Variants in HSF2BP observed in about 807,000 individuals in gnomAD.
HSF2BP encodes heat shock transcription factor 2 binding protein.
Under a neutral mutation model 35.0 loss-of-function variants are expected in HSF2BP, and 35 were observed. The ratio of observed to expected loss-of-function variants is 1.00; its 90% CI spans 0.76 to 1.32. The LOEUF (loss-of-function observed/expected upper bound fraction) is 1.32, where lower values mean the gene tolerates loss of function less well. Ranked by LOEUF, HSF2BP falls within the 40% of genes most tolerant of loss-of-function variation. The pLI is 0.00. For missense variants in HSF2BP, 326 were observed against 321.7 expected, an observed-to-expected ratio of 1.01 and a Z score of -0.10; for synonymous variants, 114 against 117.4, an observed-to-expected ratio of 0.97 and a Z score of 0.18.
intron 6 of HSF2BP, among the ~76,000 whole-genome samples, chr21:43,618,988 C>A (rs1008023097): frequency 7.9e-5 from 12 of 151,588 alleles, no homozygotes; most frequent in Middle Eastern, 3.2e-3. Flanking sequence ...CTATAAAATT[C>A]TTTATTTATT....
chr21:43,630,484 C>A (rs756041744), intron 5 of HSF2BP, 30 bp from the exon 6 acceptor site: 2 of 1,597,210 alleles, frequency 1.3e-6, no homozygotes, highest in Admixed American at 3.5e-5. Context: ...AGTGTCATAT[C>A]TTTTTACAGA....
chr21:43,617,139 C>A (rs1460369080), intron 6 of HSF2BP, among the ~76,000 whole-genome samples: 1 of 151,886 alleles, frequency 6.6e-6, no homozygotes, highest in African/African-American at 2.4e-5. Context: ...AACTGTAGAC[C>A]CACGAGCAAG....
chr21:43,466,508 G>A, the HSF2BP span, among the ~76,000 whole-genome samples: 3 of 18,456 alleles, frequency 1.6e-4, 1 homozygote, highest in Non-Finnish European at 2.4e-4. Context: ...ACCACAGTGG[G>A]GTGCTGGAGG....
At chr21:43,643,923 C>T (rs2082673931) in intron 4 of HSF2BP, among the ~76,000 whole-genome samples, 1 of 150,716 alleles carries the variant, frequency 6.6e-6, no homozygotes, top group Non-Finnish European at 1.5e-5. Context: ...CCACTGCACT[C>T]CAGCCTGGGC....
At chr21:43,628,022 T>C (rs1279052255) in intron 6 of HSF2BP, among the ~76,000 whole-genome samples, 1 of 152,176 alleles carries the variant, frequency 6.6e-6, no homozygotes, top group Non-Finnish European at 1.5e-5. Flanking sequence ...ATGCTACTTA[T>C]CTTCTGATTT....
chr21:43,580,132 C>G (rs1337808792), intron 8 of HSF2BP, among the ~76,000 whole-genome samples: 6 of 152,234 alleles, frequency 3.9e-5, no homozygotes, highest in Non-Finnish European at 4.4e-5. Context: ...TCACCTTTTT[C>G]AGAATGACTC....
At chr21:43,641,386 T>C (rs1269485220) in intron 4 of HSF2BP, among the ~76,000 whole-genome samples, 2 of 152,164 alleles carry the variant, frequency 1.3e-5, no homozygotes, top group Non-Finnish European at 2.9e-5. Context: ...GACTCTTTCC[T>C]GGCCCAGCCT....
intron 7 of HSF2BP, chr21:43,610,050 T>C (rs2082184407): frequency 6.6e-6 from 1 of 152,462 alleles, no homozygotes; most frequent in African/African-American, 2.4e-5. Flanking sequence ...CCCATAAATA[T>C]GGACCTTGTA....
rs1470802365 is a variant in HSF2BP at position 43,636,476 on chromosome 21, G to A, written c.292-3055C>T. 2.6e-5 allele frequency among the ~76,000 whole-genome samples: 4 copies of A among 152,262 alleles called. No individual in the cohort carries two copies. In the East Asian group the frequency reaches 7.7e-4, roughly 29 times the overall value. Reference sequence around the variant, plus strand: ...AAAGAAAGTAAAAAGACACGCCACAGGCTAAGAGAAAGTACTTCTAATCAC... The same window carrying A: ...AAAGAAAGTAAAAAGACACGCCACAAGCTAAGAGAAAGTACTTCTAATCAC... On this transcript the variant is annotated intron_variant, in intron 4 of 8. Coordinates refer to ENST00000291560, the MANE Select transcript of HSF2BP (RefSeq NM_007031.2).
At chr21:43,634,451 A>G (rs1409298208) in intron 4 of HSF2BP, among the ~76,000 whole-genome samples, 2 of 152,260 alleles carry the variant, frequency 1.3e-5, no homozygotes, top group Non-Finnish European at 2.9e-5. Flanking sequence ...CATTTATACC[A>G]AATGTAATTA....
At chr21:43,652,711 A>G (rs1319414982) in intron 3 of HSF2BP, among the ~76,000 whole-genome samples, 1 of 152,198 alleles carries the variant, frequency 6.6e-6, no homozygotes, top group African/African-American at 2.4e-5. Flanking sequence ...CCAAAATTAG[A>G]TAAAAGATGC....
At chr21:43,592,156 G>A (rs983326741) in intron 8 of HSF2BP, 69 bp downstream of exon 8, 59 of 984,932 alleles carry the variant, frequency 6.0e-5, no homozygotes, top group South Asian at 1.6e-4. Flanking sequence ...TGGAACGTAT[G>A]CCCCGTGGAT....
chr21:43,608,237 G>C (rs566506030), intron 7 of HSF2BP, among the ~76,000 whole-genome samples: 56 of 152,054 alleles, frequency 3.7e-4, no homozygotes, highest in African/African-American at 1.2e-3. Flanking sequence ...GGGAAGTTAA[G>C]TTAAACAAAT....
At chr21:43,616,911 A>G (rs1428301413) in intron 6 of HSF2BP, among the ~76,000 whole-genome samples, 1 of 150,114 alleles carries the variant, frequency 6.7e-6, no homozygotes, top group Non-Finnish European at 1.5e-5. Context: ...AGCCTGGGTG[A>G]TAGAGCAAGA....
chr21:43,632,147 ACACT>A (rs373468418), intron 5 of HSF2BP, among the ~76,000 whole-genome samples: 17 of 55,394 alleles, frequency 3.1e-4, no homozygotes, highest in Admixed American at 9.4e-4. Context: ...TCCCACACAC[ACACT>A]CACACAGTCT....
intron 4 of HSF2BP, among the ~76,000 whole-genome samples, chr21:43,634,816 C>A (rs2082530129): frequency 6.6e-6 from 1 of 152,194 alleles, no homozygotes; most frequent in Admixed American, 6.5e-5. Context: ...CTCCTAGATT[C>A]ATCCTTTCAG....
Position 43,658,191 on chromosome 21 carries a change from G to A in HSF2BP, c.-95C>T. 1.5e-6 allele frequency: 2 copies of A among 1,370,242 alleles called. No individual in the cohort carries two copies. Among genetic ancestry groups the A allele is most frequent in the Non-Finnish European group, 1.9e-6 (2 of 1,040,282 alleles). 84.9% of individuals were successfully genotyped at this position (1,370,242 alleles called of 1,614,324 possible). A position where few individuals can be genotyped will look rare whatever the true frequency, so the allele number is the denominator to read the frequency against. On this transcript the variant is annotated 5_prime_UTR_variant, in exon 2 of 9. Coordinates refer to ENST00000291560, the MANE Select transcript of HSF2BP (RefSeq NM_007031.2). ...CGGGAACGAATCCACGCCGGGGGTC[G>A]GGAACGGAGAGCCGCCAGGCCCAAA...
the HSF2BP span, among the ~76,000 whole-genome samples, chr21:43,495,981 C>T: frequency 1.7e-5 from 2 of 120,288 alleles, no homozygotes; most frequent in African/African-American, 6.3e-5. Context: ...CCAGGCCAGC[C>T]AGCTGATTTC....
intron 4 of HSF2BP, among the ~76,000 whole-genome samples, chr21:43,640,922 C>G (rs977190489): frequency 6.6e-6 from 1 of 152,076 alleles, no homozygotes; most frequent in Non-Finnish European, 1.5e-5. Flanking sequence ...AATAATCAAA[C>G]CCTGATATAT....
Sources: allele counts gnomAD v4.1 joint callset (sites outside exome capture counted in the v4.1 genomes callset), GRCh38; gene constraint gnomAD v4.1.1; transcripts MANE v1.5; gene names NCBI Gene and HGNC (gene_info 2026-07-23, HGNC 2026-07-21).